Variants in TMEM245 observed in about 807,000 individuals in gnomAD.
TMEM245 encodes the protein protein CG-2.
TMEM245 carries 69 observed loss-of-function variants against 101.2 expected under a neutral mutation model. That is an observed-to-expected ratio of 0.68 (90% confidence interval 0.56 to 0.83). The LOEUF (loss-of-function observed/expected upper bound fraction) is 0.83. Among genes scored for constraint, TMEM245 ranks in the 40% least tolerant of loss-of-function variants. The probability of loss-of-function intolerance (pLI) is 0.00; values close to 1 mark genes in which losing one functional copy is unlikely to be tolerated. For synonymous variants in TMEM245, 537 were observed against 449.8 expected (o/e 1.19, Z -2.45); for missense variants, 1,075 against 1,092.8 (o/e 0.98, Z 0.23).
Position 109,044,612 on chromosome 9 carries a change from T to C in TMEM245, c.2123+5671A>G, listed in dbSNP as rs1360257242. 2.6e-5 allele frequency among the ~76,000 whole-genome samples: 4 copies of C among 152,126 alleles called. No individual in the cohort carries two copies. In the East Asian group the frequency reaches 5.8e-4, roughly 22 times the overall value. On this transcript the variant is annotated intron_variant, in intron 14 of 17. Transcript: ENST00000374586. ...AGTCAGCTTTTAGAGACACAGTATA[T>C]ACAATAACCAGTGGGAAAAGTACTC... is the stretch of plus-strand genomic sequence containing the variant.
Position 109,038,241 on chromosome 9 carries a change from T to G in TMEM245, c.2124-124A>C, listed in dbSNP as rs1425812797. On this transcript the variant is annotated intron_variant, in intron 14 of 17. Transcript: ENST00000374586. ...TTCAGTTTTTCTGCTGGCCTGAGAATGCTATTTTCATTTTATTTCAAAGAA... is the reference window on the plus strand; with the variant it reads ...TTCAGTTTTTCTGCTGGCCTGAGAAGGCTATTTTCATTTTATTTCAAAGAA... 3 of 562,190 alleles carry G rather than the reference T, an allele frequency of 5.3e-6. No individual in the cohort carries two copies. In the East Asian group the frequency reaches 9.2e-5, roughly 17 times the overall value. The allele number at this position is 562,190 out of a possible 1,614,324, so 34.8% of individuals were successfully genotyped here.
intron 4 of TMEM245, among the ~76,000 whole-genome samples, chr9:109,092,945 A>G (rs1830047009): frequency 6.7e-6 from 1 of 148,198 alleles, no homozygotes; most frequent in Non-Finnish European, 1.5e-5. Context: ...CAGAGAAAGA[A>G]TGACAGAGAA....
At position 109,084,938 on chromosome 9, in the gene TMEM245, A is replaced by T. The variant is rs373361252; in HGVS notation, c.1344+1059T>A. Among the ~76,000 whole-genome samples the T allele has an allele frequency of 5.9e-5, 9 of 152,286 alleles. No individual in the cohort carries two copies. The East Asian group carries it at 1.5e-3, about 26-fold the overall frequency. ...CCTCTATTTCAACAGAAAAAAATGA[A>T]ATCCTAACCCATCCAAAAGTCTCAT... On this transcript the variant is annotated intron_variant, in intron 7 of 17. Transcript: ENST00000374586.
chr9:109,094,750 G>C (rs1200156452), intron 3 of TMEM245, among the ~76,000 whole-genome samples: 6 of 152,068 alleles, frequency 3.9e-5, no homozygotes, highest in African/African-American at 9.7e-5. Context: ...AGATTCTATT[G>C]TTCACAACTA....
intron 14 of TMEM245, among the ~76,000 whole-genome samples, chr9:109,041,316 G>A (rs991689307): frequency 1.3e-5 from 2 of 152,062 alleles, no homozygotes; most frequent in Non-Finnish European, 2.9e-5. Context: ...TGTCATTTGC[G>A]ACAACGTAGA....
At chr9:109,109,017 C>A (rs1830501227) in intron 1 of TMEM245, among the ~76,000 whole-genome samples, 3 of 152,094 alleles carry the variant, frequency 2.0e-5, no homozygotes, top group Admixed American at 2.0e-4. Context: ...TCTATTTCAG[C>A]TTATAAAATA....
chr9:109,061,770 T>TCAA (rs1829021239), intron 10 of TMEM245, among the ~76,000 whole-genome samples: 1 of 152,090 alleles, frequency 6.6e-6, no homozygotes, highest in South Asian at 2.1e-4. Flanking sequence ...GGTTTCACCA[T>TCAA]GTTGGCCAGG....
At chr9:109,116,473 G>C (rs185335002) in intron 1 of TMEM245, among the ~76,000 whole-genome samples, 9 of 152,220 alleles carry the variant, frequency 5.9e-5, no homozygotes, top group African/African-American at 2.2e-4. Flanking sequence ...CTCCTCCCTC[G>C]GCCTCCCAAA....
In TMEM245 at chr9:109,050,432, C is replaced by G; in HGVS notation, c.1978-4G>C. On this transcript the variant is annotated splice_polypyrimidine_tract_variant and splice_region_variant and intron_variant, in intron 13 of 17. Coordinates refer to ENST00000374586, the MANE Select transcript of TMEM245 (RefSeq NM_032012.4). ...ATAGTGTGGTCAGGAAAATTATCTG[C>G]AAAACAAAGGACAACATCTCCTAAA... The G allele has an allele frequency of 6.2e-7, 1 of 1,613,690 alleles. No individual in the cohort carries two copies. Among genetic ancestry groups the G allele is most frequent in the Non-Finnish European group, 8.5e-7 (1 of 1,179,882 alleles).
intron 7 of TMEM245, among the ~76,000 whole-genome samples, chr9:109,083,358 G>A (rs1292656839): frequency 6.6e-6 from 1 of 152,150 alleles, no homozygotes; most frequent in African/African-American, 2.4e-5. Flanking sequence ...CCTGTCCCAC[G>A]TTCTGCTTTG....
chr9:109,024,640 T>C (rs148557692), intron 17 of TMEM245, among the ~76,000 whole-genome samples: 19 of 152,296 alleles, frequency 1.2e-4, no homozygotes, highest in Middle Eastern at 3.4e-3. Flanking sequence ...AAAGGGTACT[T>C]TGAGTATACA....
At chr9:109,114,881 T>A (rs1830671299) in intron 1 of TMEM245, among the ~76,000 whole-genome samples, 1 of 152,136 alleles carries the variant, frequency 6.6e-6, no homozygotes, top group Non-Finnish European at 1.5e-5. Flanking sequence ...TGAAATCACT[T>A]ACTAAGTCAG....
intron 14 of TMEM245, among the ~76,000 whole-genome samples, chr9:109,045,642 C>T (rs1828466842): frequency 6.6e-6 from 1 of 152,120 alleles, no homozygotes; most frequent in Non-Finnish European, 1.5e-5. Context: ...AAAACTAGTT[C>T]CATTATTAGC....
intron 15 of TMEM245, 26 bp from the exon 16 acceptor site, chr9:109,036,406 A>G: frequency 6.4e-7 from 1 of 1,551,446 alleles, no homozygotes; most frequent in Non-Finnish European, 8.7e-7. Context: ...AAGAAAAACA[A>G]CTTAACATCA....
chr9:109,033,434 C>T lies in TMEM245; in HGVS notation c.2467G>A (p.Ala823Thr). 1 of 1,614,096 alleles carries T rather than the reference C, an allele frequency of 6.2e-7. No individual in the cohort carries two copies. The highest frequency in any genetic ancestry group is 8.5e-7 in the Non-Finnish European group (1 of 1,179,974). Residue 823 changes from alanine (A) to threonine (T), a missense_variant, in exon 17 of 18, where the codon GCA becomes ACA. Physicochemically the swap from Ala to Thr is moderately conservative, Grantham distance 58. This residue lies in a region of TMEM245 where 267 missense variants were observed against 351.3 expected (regional missense o/e 0.76). Transcript: ENST00000374586. ...CAGAGAAGAATAGGACCGATGATTG[C>T]TCCTTCCAGGCCTAGGTAGTATGCT... ...GGAYYLGLEG[A>T]IIGPILLCIL...
rs1378602222 is a variant in TMEM245, at chr9:109,060,826, AT to A, written c.1624-375del. ...TATGTCTCATGTTACATTTATCTCT[AT>A]TATTAAGAATTACCACAGAATTTTA... On this transcript the variant is annotated intron_variant, in intron 10 of 17. Coordinates refer to ENST00000374586, the MANE Select transcript of TMEM245 (RefSeq NM_032012.4). Among the ~76,000 whole-genome samples, 5 of 152,140 alleles carry A rather than the reference AT, an allele frequency of 3.3e-5. No individual in the cohort carries two copies. In the East Asian group the frequency reaches 7.7e-4, roughly 23 times the overall value.
chr9:109,101,108 T>C (rs1330986396), intron 3 of TMEM245, among the ~76,000 whole-genome samples: 1 of 152,098 alleles, frequency 6.6e-6, no homozygotes, highest in Non-Finnish European at 1.5e-5. Context: ...GAGCGAGTCT[T>C]AGTCTCTAAA....
intron 3 of TMEM245, among the ~76,000 whole-genome samples, chr9:109,104,990 A>G (rs534940131): frequency 3.5e-4 from 53 of 152,360 alleles, no homozygotes; most frequent in African/African-American, 1.3e-3. Flanking sequence ...CACAAGCAAT[A>G]AAAGAAAAAG....
intron 17 of TMEM245, among the ~76,000 whole-genome samples, chr9:109,024,967 G>A (rs1827751995): frequency 6.6e-6 from 1 of 152,196 alleles, no homozygotes; most frequent in Non-Finnish European, 1.5e-5. Flanking sequence ...AGACTAGAGG[G>A]AGGCCAGACT....
Sources: allele counts gnomAD v4.1 joint callset (sites outside exome capture counted in the v4.1 genomes callset), GRCh38; gene constraint gnomAD v4.1.1; regional missense constraint gnomAD v4.1.1; transcripts MANE v1.5; gene names NCBI Gene and HGNC (gene_info 2026-07-23, HGNC 2026-07-21).